Variants in SRPRB observed in about 807,000 individuals in gnomAD.
SRPRB encodes signal recognition particle receptor subunit beta.
A neutral mutation model predicts 31.9 loss-of-function variants in SRPRB; 20 were observed. The ratio of observed to expected loss-of-function variants is 0.63; its 90% confidence interval spans 0.44 to 0.91. The LOEUF is 0.91. SRPRB is among the 40% of genes least tolerant of loss of function. The pLI, the probability that SRPRB is intolerant of heterozygous loss-of-function variation, is 0.00. For synonymous variants in SRPRB, 146 were observed against 132.8 expected (o/e 1.10, Z -0.68); for missense variants, 321 against 324.9 (o/e 0.99, Z 0.09).
rs1375856127 is a variant in SRPRB at position 133,784,984 on chromosome 3, C to G, written c.-174+840C>G. ...CCCCCGCCTGGCCAGCCGCCCCGTC[C>G]GGGAGGGAGGTGGGGGGGTCAGCCC... On this transcript the variant is annotated intron_variant, in intron 1 of 7. Transcript: ENST00000466490. 3 of 78,312 alleles carry G rather than the reference C, an allele frequency of 3.8e-5. 1 individual carries two copies. The highest frequency in any genetic ancestry group is 1.0e-4 in the African/African-American group (3 of 28,584). The allele number at this position is 78,312 out of a possible 1,614,324, so 4.9% of individuals were successfully genotyped here. A position where few individuals can be genotyped will look rare whatever the true frequency, so the allele number is the denominator to read the frequency against.
At chr3:133,811,265 G>T (rs994385548) in intron 4 of SRPRB, 66 bp downstream of exon 4, 8 of 1,535,952 alleles carry the variant, frequency 5.2e-6, no homozygotes, top group South Asian at 1.1e-5. Context: ...CCACTCATGT[G>T]ATTTGCTCTG....
intron 1 of SRPRB, chr3:133,796,397 A>G (rs780631326): frequency 1.3e-5 from 2 of 152,252 alleles, no homozygotes; most frequent in Non-Finnish European, 2.9e-5. Flanking sequence ...GTCTGTAGGC[A>G]AGGAATATAA....
At chr3:133,824,077 A>C (rs1311805136), downstream of SRPRB, among the ~76,000 whole-genome samples, 1 of 152,104 alleles carries the variant, frequency 6.6e-6, no homozygotes, top group Non-Finnish European at 1.5e-5. Context: ...GGACAGCCCA[A>C]CTCCACCAGT....
chr3:133,802,378 C>T (rs1277151314), upstream of SRPRB, among the ~76,000 whole-genome samples: 1 of 152,134 alleles, frequency 6.6e-6, no homozygotes, highest in Non-Finnish European at 1.5e-5. Context: ...TGCACTCCAG[C>T]CTGGGCAACA....
At chr3:133,800,296 G>A (rs1935042082) in intron 1 of SRPRB, among the ~76,000 whole-genome samples, 1 of 152,198 alleles carries the variant, frequency 6.6e-6, no homozygotes. Context: ...CCTTCCCTAT[G>A]CCTACACCTG....
downstream of SRPRB, chr3:133,825,078 A>G (rs1407996078): frequency 2.6e-5 from 4 of 152,076 alleles, no homozygotes; most frequent in Admixed American, 1.3e-4. Flanking sequence ...TGTGCGCACA[A>G]TCTGCTCGGT....
upstream of SRPRB, among the ~76,000 whole-genome samples, chr3:133,802,104 T>G (rs1173074396): frequency 6.6e-6 from 1 of 152,194 alleles, no homozygotes; most frequent in Non-Finnish European, 1.5e-5. Flanking sequence ...GTGTGAGAAT[T>G]AAACAAATTA....
chr3:133,800,540 T>C lies in SRPRB; in HGVS notation c.-173-5136T>C, dbSNP rs1935046986. On this transcript the variant is annotated intron_variant, in intron 1 of 7. Coordinates refer to the SRPRB transcript ENST00000466490. ...ATGTCTGTGGACTAAGTGTGACTGA[T>C]GGATATAGGGGACTGATCCTACTTG... 2.6e-5 allele frequency among the ~76,000 whole-genome samples: 4 copies of C among 152,328 alleles called. No individual in the cohort carries two copies. The South Asian group carries it at 8.3e-4, about 32-fold the overall frequency.
intron 1 of SRPRB, chr3:133,787,521 T>C (rs906277730): frequency 2.6e-5 from 4 of 152,240 alleles, no homozygotes; most frequent in African/African-American, 9.6e-5. Flanking sequence ...TAGAAATGCT[T>C]GATGTATTTA....
At chr3:133,784,078 T>C (rs1934582722) in exon 1 of SRPRB, 1 of 152,308 alleles carries the variant, frequency 6.6e-6, no homozygotes, top group Non-Finnish European at 1.5e-5. Context: ...GTGGCCGCAA[T>C]GTCCCAAGTG....
upstream of SRPRB, chr3:133,805,809 C>T (rs768175393): frequency 1.9e-6 from 3 of 1,577,306 alleles, no homozygotes; most frequent in East Asian, 4.5e-5. Context: ...AGTGCAGGGC[C>T]ACGTCGCTTT....
upstream of SRPRB, among the ~76,000 whole-genome samples, chr3:133,800,889 G>A (rs971504212): frequency 6.6e-6 from 1 of 152,106 alleles, no homozygotes; most frequent in Non-Finnish European, 1.5e-5. Context: ...TAAAAATAAC[G>A]TGTTCGTTTG....
At chr3:133,803,118 T>A (rs1430626516), upstream of SRPRB, among the ~76,000 whole-genome samples, 12 of 152,356 alleles carry the variant, frequency 7.9e-5, no homozygotes, top group Admixed American at 3.3e-4. Flanking sequence ...ACTCTGAGCA[T>A]CCTTTGCCTA....
chr3:133,794,328 A>G (rs1934914608), intron 1 of SRPRB: 1 of 152,232 alleles, frequency 6.6e-6, no homozygotes, highest in South Asian at 2.1e-4. Flanking sequence ...TATTCCTGGG[A>G]AAACAATCAA....
chr3:133,805,356 C>G (rs1056694879), upstream of SRPRB, among the ~76,000 whole-genome samples: 1 of 152,196 alleles, frequency 6.6e-6, no homozygotes, highest in East Asian at 1.9e-4. Context: ...ATTCCAATGT[C>G]CAGAAGCTTT....
chr3:133,815,441 T>A (rs1258965945), intron 4 of SRPRB, 149 bp from the exon 5 acceptor site: 1 of 864,440 alleles, frequency 1.2e-6, no homozygotes, highest in Non-Finnish European at 1.8e-6. Flanking sequence ...AGGATTTATG[T>A]TATATGATAA....
intron 4 of SRPRB, 97 bp downstream of exon 4, chr3:133,811,296 T>A: frequency 2.4e-6 from 3 of 1,250,490 alleles, no homozygotes; most frequent in African/African-American, 1.5e-5. Context: ...GGAGGCAGCA[T>A]GGTATCCTGT....
downstream of SRPRB, among the ~76,000 whole-genome samples, chr3:133,822,899 G>T (rs900876549): frequency 6.6e-6 from 1 of 152,172 alleles, no homozygotes; most frequent in Non-Finnish European, 1.5e-5. Flanking sequence ...TGTAAACCTC[G>T]AGAAACTTGA....
chr3:133,797,175 G>A (rs777376987), intron 1 of SRPRB, among the ~76,000 whole-genome samples: 4 of 152,292 alleles, frequency 2.6e-5, no homozygotes, highest in Middle Eastern at 3.4e-3. Flanking sequence ...ATGTTAAAGA[G>A]ATTGCCAGCA....
Sources: allele counts gnomAD v4.1 joint callset (sites outside exome capture counted in the v4.1 genomes callset), GRCh38; gene constraint gnomAD v4.1.1; transcripts MANE v1.5; gene names NCBI Gene and HGNC (gene_info 2026-07-23, HGNC 2026-07-21).